Variants in TTLL5 observed in about 807,000 individuals in gnomAD.
TTLL5 encodes the protein tubulin polyglutamylase TTLL5.
A neutral mutation model predicts 168.4 loss-of-function variants in TTLL5; 132 were observed. The observed-to-expected ratio is 0.78, with a 90% confidence interval of 0.68 to 0.91. The LOEUF is 0.91. TTLL5 is among the 40% of genes least tolerant of loss of function. TTLL5 has a pLI of 0.00. For synonymous variants in TTLL5, 546 were observed against 558.6 expected (o/e 0.98, Z 0.32); for missense variants, 1,545 against 1,581.5 (o/e 0.98, Z 0.39).
intron 31 of TTLL5, among the ~76,000 whole-genome samples, chr14:75,921,962 C>T (rs1202469569): frequency 6.6e-6 from 1 of 152,078 alleles, no homozygotes; most frequent in African/African-American, 2.4e-5. Context: ...AGTTACATTC[C>T]TAGGTATTTT....
chr14:75,732,358 C>G lies in TTLL5; in HGVS notation c.1063C>G (p.Leu355Val), dbSNP rs1888600511. 1.2e-6 allele frequency: 2 copies of G among 1,613,714 alleles called. No homozygotes were observed. Reference sequence around the variant, plus strand: ...TCTAGAACTCTATGGCTTTGACGTGCTCATAGATTCTACTCTGAAGCCATG... The same window carrying G: ...TCTAGAACTCTATGGCTTTGACGTGGTCATAGATTCTACTCTGAAGCCATG... ...SCFELYGFDV[L>V]IDSTLKPWLL... Residue 355 changes from leucine (L) to valine (V), a missense_variant, in exon 13 of 32, where the codon CTC becomes GTC. Physicochemically the swap from Leu to Val is conservative, Grantham distance 32. Coordinates refer to ENST00000298832, the MANE Select transcript of TTLL5 (RefSeq NM_015072.5).
intron 6 of TTLL5, among the ~76,000 whole-genome samples, chr14:75,692,964 G>T (rs1169605967): frequency 1.3e-5 from 2 of 151,992 alleles, no homozygotes; most frequent in Non-Finnish European, 2.9e-5. Flanking sequence ...GATTACTAAG[G>T]GAGAGAAAAA....
chr14:75,889,835 A>T, intron 30 of TTLL5, among the ~76,000 whole-genome samples: 1 of 103,574 alleles, frequency 9.7e-6, no homozygotes, highest in East Asian at 2.8e-4. Flanking sequence ...TAAAAAAAAA[A>T]AAAAAAAAAG....
intron 15 of TTLL5, 79 bp downstream of exon 15, chr14:75,735,368 A>C: frequency 7.1e-7 from 1 of 1,399,666 alleles, no homozygotes; most frequent in Non-Finnish European, 1.0e-6. Flanking sequence ...GAGCAGAAGC[A>C]CTGTGGGTAT....
At chr14:75,685,966 ATT>A in intron 5 of TTLL5, among the ~76,000 whole-genome samples, 1 of 152,304 alleles carries the variant, frequency 6.6e-6, no homozygotes, top group Admixed American at 6.5e-5. Context: ...AGGAACATGC[ATT>A]TTTTAGGAAG....
rs80108645 is a variant in TTLL5, at chr14:75,763,606, G to A, written c.1551-1009G>A. Among the ~76,000 whole-genome samples the A allele has an allele frequency of 1.4e-3, 213 of 152,268 alleles. 4 individuals are homozygous for A. In the East Asian group the frequency reaches 0.039, roughly 28 times the overall value. ...TCAGAGCCAACCAATTAGATATTGC[G>A]TTTGAGCGTAGAGAGTTGGCTACAT... On this transcript the variant is annotated intron_variant, in intron 18 of 31. Coordinates refer to ENST00000298832, the MANE Select transcript of TTLL5 (RefSeq NM_015072.5).
chr14:75,818,492 CTT>C (rs745540720), intron 27 of TTLL5: 1,274 of 335,810 alleles, frequency 3.8e-3, no homozygotes, highest in South Asian at 5.6e-3. Context: ...CTTTTCTTTT[CTT>C]TTTTTTTTTT....
chr14:75,873,230 C>T (rs1009869858), intron 29 of TTLL5, among the ~76,000 whole-genome samples: 3 of 152,018 alleles, frequency 2.0e-5, no homozygotes, highest in Non-Finnish European at 2.9e-5. Context: ...CCCACCACCA[C>T]GCCCAGCTAA....
At chr14:75,852,916 A>C (rs1376724328) in intron 28 of TTLL5, among the ~76,000 whole-genome samples, 1 of 152,238 alleles carries the variant, frequency 6.6e-6, no homozygotes, top group Non-Finnish European at 1.5e-5. Flanking sequence ...AAGATTTCTT[A>C]GTAGACTGTT....
At chr14:75,917,320 C>T (rs957850113) in intron 31 of TTLL5, among the ~76,000 whole-genome samples, 1 of 152,208 alleles carries the variant, frequency 6.6e-6, no homozygotes, top group African/African-American at 2.4e-5. Context: ...GTAGCTTGTC[C>T]AAGCCACACG....
intron 31 of TTLL5, among the ~76,000 whole-genome samples, chr14:75,939,420 C>CT (rs2034529636): frequency 6.6e-6 from 1 of 152,190 alleles, no homozygotes; most frequent in African/African-American, 2.4e-5. Context: ...CAGCTTTACT[C>CT]TGTCATTCAG....
intron 30 of TTLL5, among the ~76,000 whole-genome samples, chr14:75,885,363 G>A (rs2032057167): frequency 6.6e-6 from 1 of 150,674 alleles, no homozygotes; most frequent in South Asian, 2.1e-4. Flanking sequence ...ATGATGGTGG[G>A]CGCCTGTAGT....
chr14:75,773,238 C>T (rs1311657178), intron 21 of TTLL5, among the ~76,000 whole-genome samples: 4 of 152,176 alleles, frequency 2.6e-5, no homozygotes, highest in Admixed American at 6.5e-5. Context: ...AATGTTAGCT[C>T]TGCTCTTTCC....
chr14:75,925,146 C>A (rs1595279164), intron 31 of TTLL5, among the ~76,000 whole-genome samples: 1 of 148,324 alleles, frequency 6.7e-6, no homozygotes, highest in Admixed American at 6.6e-5. Flanking sequence ...GGCTGACCCC[C>A]CCACCTCCCT....
At chr14:75,673,359 T>C (rs1883889919) in intron 3 of TTLL5, among the ~76,000 whole-genome samples, 1 of 152,252 alleles carries the variant, frequency 6.6e-6, no homozygotes, top group African/African-American at 2.4e-5. Context: ...TCTTGGATTT[T>C]AAGCAGTGCT....
intron 27 of TTLL5, among the ~76,000 whole-genome samples, chr14:75,806,832 G>GT (rs1893687459): frequency 6.6e-6 from 1 of 152,026 alleles, no homozygotes; most frequent in Non-Finnish European, 1.5e-5. Context: ...TTTTTCACCA[G>GT]TTTTTTCCCA....
intron 31 of TTLL5, among the ~76,000 whole-genome samples, chr14:75,925,036 C>G (rs2033974759): frequency 6.9e-6 from 1 of 145,900 alleles, no homozygotes; most frequent in South Asian, 2.2e-4. Flanking sequence ...GTAGGGGCGG[C>G]CGGGCAGAGG....
chr14:75,937,445 C>T (rs963691964), intron 31 of TTLL5, among the ~76,000 whole-genome samples: 5 of 151,972 alleles, frequency 3.3e-5, no homozygotes, highest in Admixed American at 1.3e-4. Flanking sequence ...CTTATGTAAT[C>T]ATCACCACCG....
chr14:75,838,199 C>T (rs1895979092), intron 28 of TTLL5: 1 of 152,060 alleles, frequency 6.6e-6, no homozygotes, highest in Non-Finnish European at 1.5e-5. Context: ...CCAGTGAATT[C>T]CCAATTAGGT....
Sources: allele counts gnomAD v4.1 joint callset (sites outside exome capture counted in the v4.1 genomes callset), GRCh38; gene constraint gnomAD v4.1.1; transcripts MANE v1.5; gene names NCBI Gene and HGNC (gene_info 2026-07-23, HGNC 2026-07-21).